The following ATP9A variants were observed in gnomAD, a reference collection of about 807,000 sequenced individuals.
ATP9A encodes the protein ATPase phospholipid transporting 9A.
A neutral mutation model predicts 144.1 loss-of-function variants in ATP9A; 52 were observed. That is an observed-to-expected ratio of 0.36 (90% confidence interval 0.29 to 0.45). ATP9A has a LOEUF of 0.45. ATP9A is among the 20% of genes least tolerant of loss of function. The pLI, the probability that ATP9A is intolerant of heterozygous loss-of-function variation, is 1.00. For missense variants in ATP9A, 947 were observed against 1,392.7 expected, an observed-to-expected ratio of 0.68 and a Z score of 5.09; for synonymous variants, 582 against 557.4, an observed-to-expected ratio of 1.04 and a Z score of -0.62.
chr20:51,747,781 C>G (rs2077814844), intron 1 of ATP9A, among the ~76,000 whole-genome samples: 1 of 152,114 alleles, frequency 6.6e-6, no homozygotes, highest in Non-Finnish European at 1.5e-5. Context: ...TTGACCCACT[C>G]CCACAAAGAT....
At chr20:51,644,240 A>G (rs1441506602) in intron 14 of ATP9A, among the ~76,000 whole-genome samples, 2 of 150,504 alleles carry the variant, frequency 1.3e-5, no homozygotes, top group African/African-American at 4.9e-5. Flanking sequence ...ACACATGGAG[A>G]GAATTACTTC....
chr20:51,754,383 ATC>A (rs977593964), intron 1 of ATP9A, among the ~76,000 whole-genome samples: 5 of 151,972 alleles, frequency 3.3e-5, no homozygotes, highest in Non-Finnish European at 1.5e-5. Context: ...CATGCCTGTA[ATC>A]CCAGCTACGC....
intron 9 of ATP9A, among the ~76,000 whole-genome samples, chr20:51,683,273 TA>T (rs2077508252): frequency 1.3e-5 from 2 of 151,882 alleles, no homozygotes; most frequent in Non-Finnish European, 2.9e-5. Context: ...TGTTTGTTTT[TA>T]TTTTTTTTGA....
Position 51,656,959 on chromosome 20 carries a change from G to A in ATP9A, c.1485C>T (p.Tyr495=), listed in dbSNP as rs760038221. ...EKQYEDSCRV[Y]QASSPDEVAL... ...TTACCTCATCGGGGCTGGATGCCTGGTATACGCGGCAGGAGTCTTCGTACT... is the reference window on the plus strand; with the variant it reads ...TTACCTCATCGGGGCTGGATGCCTGATATACGCGGCAGGAGTCTTCGTACT... Residue 495 remains tyrosine (Y), a synonymous_variant, in exon 14 of 28, where the codon TAC becomes TAT. Coordinates refer to ENST00000338821, the MANE Select transcript of ATP9A (RefSeq NM_006045.3). 2.3e-5 allele frequency: 37 copies of A among 1,613,940 alleles called. No individual in the cohort carries two copies. The highest frequency in any genetic ancestry group is 3.1e-5 in the Non-Finnish European group (37 of 1,179,972).
intron 13 of ATP9A, 149 bp from the exon 14 acceptor site, chr20:51,657,299 T>G: frequency 3.3e-6 from 2 of 598,588 alleles, no homozygotes; most frequent in Admixed American, 3.4e-5. Flanking sequence ...TGCAAATAAA[T>G]GACATGCAAT....
At chr20:51,657,250 T>G (rs754181397) in intron 13 of ATP9A, 100 bp from the exon 14 acceptor site, 12 of 933,874 alleles carry the variant, frequency 1.3e-5, no homozygotes, top group Non-Finnish European at 1.8e-5. Flanking sequence ...TTTCTACTGT[T>G]CCAACACACA....
intron 9 of ATP9A, among the ~76,000 whole-genome samples, chr20:51,683,274 A>T (rs997102532): frequency 4.0e-5 from 6 of 150,304 alleles, no homozygotes; most frequent in African/African-American, 1.5e-4. Context: ...GTTTGTTTTT[A>T]TTTTTTTTGA....
rs2077390576 is a variant in ATP9A at position 51,657,153 on chromosome 20, A to G, written c.1294-3T>C. 7 of 1,610,678 alleles carry G rather than the reference A, an allele frequency of 4.3e-6. No individual in the cohort carries two copies. The highest frequency in any genetic ancestry group is 5.9e-6 in the Non-Finnish European group (7 of 1,177,210). Reference sequence around the variant, plus strand: ...TGAGCCGGTGGGTCCTGGGATTGCTACAGGAAGGAGAAATGAACAAGGAAG... The same window carrying G: ...TGAGCCGGTGGGTCCTGGGATTGCTGCAGGAAGGAGAAATGAACAAGGAAG... On this transcript the variant is annotated splice_region_variant and splice_polypyrimidine_tract_variant and intron_variant, in intron 13 of 27. Transcript: ENST00000338821.
At chr20:51,722,721 G>A (rs1278627498) in intron 3 of ATP9A, among the ~76,000 whole-genome samples, 1 of 152,124 alleles carries the variant, frequency 6.6e-6, no homozygotes. Context: ...GCAGTGAACA[G>A]GGAACACTTC....
At chr20:51,663,871 A>G (rs1368864193) in intron 13 of ATP9A, among the ~76,000 whole-genome samples, 1 of 152,140 alleles carries the variant, frequency 6.6e-6, no homozygotes, top group Non-Finnish European at 1.5e-5. Context: ...AGTAAGAAGA[A>G]CGCTCTCTGG....
At chr20:51,691,904 T>C (rs893195876) in intron 7 of ATP9A, among the ~76,000 whole-genome samples, 2 of 152,218 alleles carry the variant, frequency 1.3e-5, no homozygotes, top group African/African-American at 2.4e-5. Flanking sequence ...AATGGAATAT[T>C]ACTCAGCCTT....
rs1235962124 is a variant in ATP9A at position 51,639,455 on chromosome 20, C to T, written c.1556G>A (p.Arg519Gln). ...CCTCAGCTGCATGGAAGACTGGTCT[C>T]GGCCCACCAGGGTTAAGCCCACACT... ...TESVGLTLVGRDQSSMQLRTP... is the reference protein window; with the variant it reads ...TESVGLTLVGQDQSSMQLRTP... Residue 519 changes from arginine (R) to glutamine (Q), a missense_variant, in exon 15 of 28, where the codon CGA becomes CAA. By Grantham distance (43) the Arg-to-Gln change is conservative. Around this residue, in one of 2 missense-constraint regions of ATP9A, gnomAD observed 770 missense variants for 1,047.9 expected, o/e 0.73. Transcript: ENST00000338821. 4 of 1,613,694 alleles carry T rather than the reference C, an allele frequency of 2.5e-6. No individual in the cohort carries two copies. The highest frequency in any genetic ancestry group is 2.2e-5 in the East Asian group (1 of 44,876).
chr20:51,693,145 G>A (rs922389142), intron 7 of ATP9A, among the ~76,000 whole-genome samples: 7 of 152,202 alleles, frequency 4.6e-5, no homozygotes, highest in African/African-American at 1.2e-4. Flanking sequence ...CTGGGGATAC[G>A]GCAGAGAATA....
intron 1 of ATP9A, among the ~76,000 whole-genome samples, chr20:51,767,876 C>A (rs1376351455): frequency 1.3e-5 from 2 of 152,224 alleles, no homozygotes; most frequent in Non-Finnish European, 2.9e-5. Flanking sequence ...CATATCTGGG[C>A]TCCCGAGTAA....
intron 24 of ATP9A, among the ~76,000 whole-genome samples, chr20:51,609,289 C>G (rs969522068): frequency 2.0e-5 from 3 of 152,126 alleles, no homozygotes; most frequent in Non-Finnish European, 4.4e-5. Context: ...AAAGACAGCC[C>G]GCTTTTCCAG....
At chr20:51,606,061 A>G (rs913404541) in intron 26 of ATP9A, among the ~76,000 whole-genome samples, 17 of 152,148 alleles carry the variant, frequency 1.1e-4, no homozygotes, top group African/African-American at 2.2e-4. Context: ...CAAGGTCAGG[A>G]GTTCGAGACC....
intron 3 of ATP9A, 120 bp downstream of exon 3, chr20:51,725,699 A>C: frequency 2.8e-6 from 2 of 704,842 alleles, no homozygotes; most frequent in Admixed American, 2.4e-5. Context: ...GTATTGGCCT[A>C]AGGGCATCCT....
At chr20:51,695,972 T>C in intron 6 of ATP9A, 121 bp downstream of exon 6, 1 of 879,578 alleles carries the variant, frequency 1.1e-6, no homozygotes, top group Non-Finnish European at 1.8e-6. Flanking sequence ...AAAAGATGCT[T>C]TTGATTTGCC....
At chr20:51,673,898 A>G (rs1394743367) in intron 11 of ATP9A, among the ~76,000 whole-genome samples, 2 of 151,948 alleles carry the variant, frequency 1.3e-5, no homozygotes, top group African/African-American at 4.8e-5. Flanking sequence ...AAAAATACAA[A>G]AATTAGCCAG....
Sources: gnomAD v4.1 joint callset for allele counts (sites outside exome capture counted in the v4.1 genomes callset) on GRCh38, gnomAD v4.1.1 for gene constraint, gnomAD v4.1.1 regional missense constraint, MANE v1.5 for transcripts, NCBI Gene and HGNC (gene_info 2026-07-23, HGNC 2026-07-21) for gene names.